EGFL7: variants seen among roughly 807,000 people sequenced by gnomAD.
The protein encoded by EGFL7 is epidermal growth factor-like protein 7.
EGFL7 carries 48 observed loss-of-function variants against 37.1 expected under a neutral mutation model. The ratio of observed to expected loss-of-function variants is 1.29; its 90% CI spans 1.03 to 1.65. The LOEUF (loss-of-function observed/expected upper bound fraction) is 1.65, where lower values mean the gene tolerates loss of function less well. EGFL7 is among the 40% of genes most tolerant of loss of function. The probability of loss-of-function intolerance (pLI) is 0.00; values close to 1 mark genes in which losing one functional copy is unlikely to be tolerated. For missense variants in EGFL7, 384 were observed against 378.9 expected, an observed-to-expected ratio of 1.01 and a Z score of -0.11; for synonymous variants, 180 against 156.8, an observed-to-expected ratio of 1.15 and a Z score of -1.10.
Position 136,671,181 on chromosome 9 carries a change from T to G in EGFL7, c.636+167T>G, listed in dbSNP as rs570338356. Among the ~76,000 whole-genome samples the G allele has an allele frequency of 9.0e-3, 556 of 61,724 alleles. 5 individuals are homozygous for G. Among genetic ancestry groups the G allele is most frequent in the Middle Eastern group, 0.031 (4 of 128 alleles). 40.5% of individuals were successfully genotyped at this position (61,724 alleles called of 152,430 possible). On this transcript the variant is annotated intron_variant, in intron 9 of 10. Coordinates refer to ENST00000308874, the MANE Select transcript of EGFL7 (RefSeq NM_016215.5). ...TGGACCTGCTGGAGGAGGTGAGGCG[T>G]CGGGGGGGCAGGCAGTCCAGGGTGG...
Position 136,670,281 on chromosome 9 carries a change from A to G in EGFL7, c.522A>G (p.Thr174=). 1.2e-6 allele frequency: 2 copies of G among 1,609,326 alleles called. No homozygotes were observed. The highest frequency in any genetic ancestry group is 1.7e-6 in the Non-Finnish European group (2 of 1,177,668). The change falls in exon 8 of 11, where the codon ACA becomes ACG. Residue 174 remains threonine (T), a synonymous_variant. Transcript: ENST00000308874. ...GGCACAGCCTGTCTGCAGACGGTAC[A>G]CTCTGTGTGCCCAAGGGAGGGCCCC... ...WEGHSLSADG[T]LCVPKGGPPR... is the part of the protein sequence containing the mutation.
At chr9:136,670,438 G>A (rs1845773654) in intron 8 of EGFL7, 108 bp downstream of exon 8, 10 of 1,321,164 alleles carry the variant, frequency 7.6e-6, no homozygotes, top group South Asian at 6.6e-5. Context: ...GGAAGGCGGT[G>A]GGGACTCCCT....
chr9:136,672,445 C>T lies in EGFL7; in HGVS notation c.*159C>T, dbSNP rs1845983561. 1.2e-6 allele frequency: 1 copy of T among 841,212 alleles called. No individual in the cohort carries two copies. Among genetic ancestry groups the T allele is most frequent in the South Asian group, 1.6e-5 (1 of 63,728 alleles). 52.1% of individuals were successfully genotyped at this position (841,212 alleles called of 1,614,324 possible). A position where few individuals can be genotyped will look rare whatever the true frequency, so the allele number is the denominator to read the frequency against. On this transcript the variant is annotated 3_prime_UTR_variant, in exon 11 of 11. Transcript: ENST00000308874. ...TCCTCCTCCCCTTCCTCGGGAGGCT[C>T]CCCAGACCCTGGCATGGGATGGGCT...
At chr9:136,662,136 C>A (rs1031231433), upstream of EGFL7, among the ~76,000 whole-genome samples, 10 of 152,190 alleles carry the variant, frequency 6.6e-5, no homozygotes, top group Non-Finnish European at 1.3e-4. Flanking sequence ...CCTGTGATCA[C>A]CCACAGTGTC....
rs2297534 is a variant in EGFL7 at position 136,668,639 on chromosome 9, A to T, written c.163A>T (p.Thr55Ser). ...VQRVYQPFLT[T>S]CDGHRACSTY... is the part of the protein sequence containing the mutation. ...GCGTGTGTACCAGCCCTTCCTCACC[A>T]CCTGCGACGGGCACCGGGCCTGCAG... Residue 55 changes from threonine to serine, a missense_variant, in exon 5 of 11, where the codon ACC becomes TCC. Physicochemically the swap from Thr to Ser is moderately conservative, Grantham distance 58. Transcript: ENST00000308874. 4.0e-5 allele frequency: 64 copies of T among 1,605,074 alleles called. 1 individual carries two copies. The East Asian group carries it at 1.4e-3, about 35-fold the overall frequency.
At chr9:136,662,905 C>T (rs1411214296), upstream of EGFL7, 1 of 152,368 alleles carries the variant, frequency 6.6e-6, no homozygotes, top group Non-Finnish European at 1.5e-5. Flanking sequence ...GCCGCCCTTC[C>T]TCGCCCGGGG....
intron 8 of EGFL7, 138 bp downstream of exon 8, chr9:136,670,468 G>T (rs544930722): frequency 1.9e-5 from 22 of 1,144,644 alleles, no homozygotes; most frequent in Non-Finnish European, 2.7e-5. Context: ...GGGAGGATGG[G>T]GAGGGAGGAT....
intron 3 of EGFL7, among the ~76,000 whole-genome samples, chr9:136,667,055 G>A (rs1845524722): frequency 1.3e-5 from 2 of 152,324 alleles, no homozygotes; most frequent in East Asian, 1.9e-4. Context: ...CTCCCCGCTG[G>A]GACCGGGTGA....
At chr9:136,669,807 C>A in intron 6 of EGFL7, 86 bp downstream of exon 6, 1 of 1,441,266 alleles carries the variant, frequency 6.9e-7, no homozygotes, top group East Asian at 2.5e-5. Context: ...TTTTCTTGAA[C>A]CCCGAGCAAA....
chr9:136,663,820 C>T (rs1490559708), intron 2 of EGFL7, among the ~76,000 whole-genome samples, 197 bp downstream of exon 2: 2 of 152,192 alleles, frequency 1.3e-5, no homozygotes, highest in African/African-American at 2.4e-5. Context: ...TTGTCTCATA[C>T]GTCCACACCA....
At chr9:136,668,023 CCCCCAGGCTGTGG>C (rs1218327016) in intron 3 of EGFL7, among the ~76,000 whole-genome samples, 1 of 152,202 alleles carries the variant, frequency 6.6e-6, no homozygotes, top group Non-Finnish European at 1.5e-5. Context: ...CCCCCCTGTG[CCCCCAGGCTGTGG>C]CCCCAGCTGT....
intron 3 of EGFL7, 21 bp from the exon 4 acceptor site, chr9:136,668,220 G>A (rs1845600772): frequency 6.9e-7 from 1 of 1,439,414 alleles, no homozygotes; most frequent in South Asian, 1.2e-5. Context: ...GGAGACTTAG[G>A]GGTCATGCTT....
At chr9:136,670,889 A>C in intron 8 of EGFL7, 61 bp from the exon 9 acceptor site, 4 of 1,432,688 alleles carry the variant, frequency 2.8e-6, no homozygotes, top group Non-Finnish European at 3.8e-6. Flanking sequence ...GACAGGAGGG[A>C]GCCTGGGGGT....
chr9:136,666,177 C>T lies in EGFL7; in HGVS notation c.-43+1392C>T, dbSNP rs530774706. On this transcript the variant is annotated intron_variant, in intron 3 of 10. Transcript: ENST00000308874. This position sits in a 1 kb window ranked among gnomAD's most constrained non-coding sequence, Gnocchi z 6.8. Reference sequence around the variant, plus strand: ...AGCCTGTGCCGCCTGCTCCGCCCCCCGCGAACCCCGGAGCCAGCAGCGCGG... The same window carrying T: ...AGCCTGTGCCGCCTGCTCCGCCCCCTGCGAACCCCGGAGCCAGCAGCGCGG... Among the ~76,000 whole-genome samples the T allele has an allele frequency of 2.7e-4, 41 of 150,736 alleles. 1 individual carries two copies. The South Asian group carries it at 7.5e-3, about 27-fold the overall frequency.
Position 136,669,723 on chromosome 9 carries a change from T to C in EGFL7, c.313+2T>C. 6.3e-7 allele frequency: 1 copy of C among 1,585,042 alleles called. No homozygotes were observed. Among genetic ancestry groups the C allele is most frequent in the Non-Finnish European group, 8.6e-7 (1 of 1,165,524 alleles). ...GGCTTCCTGGGGCCTGTGGAGCAGGTGAGGGCTATGTCCCTCGGCGCCCGG... is the reference window on the plus strand; with the variant it reads ...GGCTTCCTGGGGCCTGTGGAGCAGGCGAGGGCTATGTCCCTCGGCGCCCGG... On this transcript the variant is annotated splice_donor_variant, in intron 6 of 10. Coordinates refer to ENST00000308874, the MANE Select transcript of EGFL7 (RefSeq NM_016215.5). LOFTEE classifies it high-confidence loss of function.
At position 136,666,951 on chromosome 9, in the gene EGFL7, C is replaced by G. The variant is rs2119111861; in HGVS notation, c.-42-1290C>G. On this transcript the variant is annotated intron_variant, in intron 3 of 10. Coordinates refer to ENST00000308874, the MANE Select transcript of EGFL7 (RefSeq NM_016215.5). The surrounding 1 kb of genome is among the most constrained non-coding windows in gnomAD (Gnocchi z 6.8). ...AGCTAAGTCCCCACCCCTCAGCTGC[C>G]CAGGGCAGCCTCTGCCTAGTTGGCA... 6.6e-6 allele frequency among the ~76,000 whole-genome samples: 1 copy of G among 152,200 alleles called. No homozygotes were observed. The highest frequency in any genetic ancestry group is 2.4e-5 in the African/African-American group (1 of 41,538).
chr9:136,672,061 T>A lies in EGFL7; in HGVS notation c.772T>A (p.Ser258Thr). Residue 258 changes from serine (S) to threonine (T), a missense_variant, in exon 10 of 11, where the codon TCC (serine) becomes ACC (threonine). Ser to Thr is a moderately conservative substitution (Grantham distance 58, BLOSUM62 1). Transcript: ENST00000308874. ...GRIDSLSEQI[S>T]FLEEQLGSCS... is the part of the protein sequence containing the mutation. ...CATCGACTCCCTGAGCGAGCAGATT[T>A]CCTTCCTGGAGGAGCAGCTGGGGTC... is the stretch of plus-strand genomic sequence containing the variant. The A allele has an allele frequency of 6.5e-7, 1 of 1,546,714 alleles. No homozygotes were observed. The highest frequency in any genetic ancestry group is 1.4e-5 in the African/African-American group (1 of 73,246).
At chr9:136,660,983 G>A (rs1845111041), upstream of EGFL7, among the ~76,000 whole-genome samples, 1 of 152,196 alleles carries the variant, frequency 6.6e-6, no homozygotes, top group Non-Finnish European at 1.5e-5. Flanking sequence ...GGCAGATCCA[G>A]GGGCATGCAG....
chr9:136,671,886 C>T lies in EGFL7; in HGVS notation c.637-40C>T, dbSNP rs181470958. On this transcript the variant is annotated intron_variant, in intron 9 of 10. Coordinates refer to ENST00000308874, the MANE Select transcript of EGFL7 (RefSeq NM_016215.5). ...CTAGACCCCGGTGGAGCAGAGAGGGCGGGGGCCGGCCCAGGGTCACTGCCC... is the reference window on the plus strand; with the variant it reads ...CTAGACCCCGGTGGAGCAGAGAGGGTGGGGGCCGGCCCAGGGTCACTGCCC... 540 of 1,456,316 alleles carry T rather than the reference C, an allele frequency of 3.7e-4. 4 individuals carry two copies. The African/African-American group carries it at 6.6e-3, about 18-fold the overall frequency. 90.2% of individuals were successfully genotyped at this position (1,456,316 alleles called of 1,614,324 possible). A position where few individuals can be genotyped will look rare whatever the true frequency, so the allele number is the denominator to read the frequency against.
Sources: allele counts gnomAD v4.1 joint callset (sites outside exome capture counted in the v4.1 genomes callset), GRCh38; gene constraint gnomAD v4.1.1; non-coding constraint Gnocchi (gnomAD v3.1); transcripts MANE v1.5; gene names NCBI Gene and HGNC (gene_info 2026-07-23, HGNC 2026-07-21).